Variants in IPP observed in about 807,000 individuals in gnomAD.
The protein encoded by IPP is actin-binding protein IPP.
Under a neutral mutation model 64.1 loss-of-function variants are expected in IPP, and 41 were observed. That is an observed-to-expected ratio of 0.64 (90% CI 0.50 to 0.83). The LOEUF (loss-of-function observed/expected upper bound fraction) is 0.83, where lower values mean the gene tolerates loss of function less well. Ranked by LOEUF, IPP falls within the 40% of genes least tolerant of loss-of-function variation. The probability of loss-of-function intolerance (pLI) is 0.00; values close to 1 mark genes in which losing one functional copy is unlikely to be tolerated. For synonymous variants in IPP, 214 were observed against 235.2 expected, an observed-to-expected ratio of 0.91 and a Z score of 0.83; for missense variants, 649 against 703.0, an observed-to-expected ratio of 0.92 and a Z score of 0.87.
intron 3 of IPP, among the ~76,000 whole-genome samples, chr1:45,734,491 G>A (rs1645951383): frequency 6.6e-6 from 1 of 151,852 alleles, no homozygotes; most frequent in South Asian, 2.1e-4. Context: ...AGGCTGGAGT[G>A]CACTGGCACA....
chr1:45,728,126 C>CTGTGTG (rs371114917), intron 4 of IPP, among the ~76,000 whole-genome samples: 3,824 of 132,214 alleles, frequency 0.029, 84 homozygotes, highest in South Asian at 0.063. Flanking sequence ...GAGTTGAAAG[C>CTGTGTG]TGTGTGTGTG....
At chr1:45,744,223 C>T (rs1646105276) in intron 2 of IPP, among the ~76,000 whole-genome samples, 2 of 152,170 alleles carry the variant, frequency 1.3e-5, no homozygotes, top group African/African-American at 4.8e-5. Flanking sequence ...ATGATCATCA[C>T]TCACTGAAGC....
chr1:45,726,724 C>CTTTT (rs58547972), intron 5 of IPP, among the ~76,000 whole-genome samples: 1 of 135,360 alleles, frequency 7.4e-6, no homozygotes, highest in Admixed American at 7.5e-5. Context: ...TTTGATGCCA[C>CTTTT]TTTTTTTTTT....
At chr1:45,736,769 G>A (rs1480476028) in intron 3 of IPP, among the ~76,000 whole-genome samples, 1 of 151,956 alleles carries the variant, frequency 6.6e-6, no homozygotes, top group East Asian at 1.9e-4. Context: ...GGCGGGCGCG[G>A]TGGCTCATGA....
intron 3 of IPP, among the ~76,000 whole-genome samples, chr1:45,737,300 T>C (rs929522596): frequency 6.6e-5 from 10 of 152,102 alleles, no homozygotes; most frequent in Non-Finnish European, 1.3e-4. Context: ...AGGAATAAGA[T>C]GTATTCCTTA....
chr1:45,707,142 G>A (rs760209139), intron 8 of IPP, among the ~76,000 whole-genome samples: 1 of 152,132 alleles, frequency 6.6e-6, no homozygotes, highest in Non-Finnish European at 1.5e-5. Context: ...AAAGACTTTA[G>A]GCTGGGCACA....
chr1:45,720,874 A>G (rs1645722298), intron 5 of IPP, among the ~76,000 whole-genome samples: 1 of 152,230 alleles, frequency 6.6e-6, no homozygotes, highest in Non-Finnish European at 1.5e-5. Context: ...GAATGGAAAA[A>G]CTATAAAACT....
chr1:45,722,917 T>C (rs1569995490), intron 5 of IPP, among the ~76,000 whole-genome samples: 3 of 152,322 alleles, frequency 2.0e-5, no homozygotes, highest in East Asian at 3.9e-4. Context: ...ATGTCCAGAA[T>C]AGGCAAGCCA....
At chr1:45,720,749 G>A (rs1645720854) in intron 5 of IPP, among the ~76,000 whole-genome samples, 1 of 152,140 alleles carries the variant, frequency 6.6e-6, no homozygotes. Context: ...CAGAGCAGTA[G>A]GGAAACAACA....
intron 1 of IPP, among the ~76,000 whole-genome samples, chr1:45,749,920 G>A (rs1376889894): frequency 2.6e-5 from 4 of 152,206 alleles, no homozygotes; most frequent in Admixed American, 2.6e-4. Flanking sequence ...GGCTGTGATG[G>A]GGCAAGCCTG....
rs777298556 is a variant in IPP, at chr1:45,741,120, C to T, written c.505G>A (p.Val169Ile). Residue 169 changes from valine (V) to isoleucine (I), a missense_variant, in exon 3 of 9, where the codon GTT becomes ATT. By Grantham distance (29) the Val-to-Ile change is conservative. Transcript: ENST00000396478. ...ENYIHVHFLE[V>I]HSGEEFLALT... ...GCCAGGAACTCTTCTCCACTATGAA[C>T]CTCCAAGAAATGGACATGAATGTAG... is the stretch of plus-strand genomic sequence containing the variant. The T allele has an allele frequency of 1.2e-6, 2 of 1,614,126 alleles. No homozygotes were observed. The highest frequency in any genetic ancestry group is 2.2e-5 in the East Asian group (1 of 44,876).
intron 5 of IPP, among the ~76,000 whole-genome samples, chr1:45,722,033 C>T (rs910339756): frequency 3.9e-5 from 6 of 152,050 alleles, no homozygotes; most frequent in African/African-American, 1.4e-4. Flanking sequence ...CACGCCACTG[C>T]ACTACAGCCT....
intron 8 of IPP, among the ~76,000 whole-genome samples, chr1:45,703,338 C>G (rs80091784): frequency 1.3e-3 from 1 of 788 alleles, no homozygotes; most frequent in Non-Finnish European, 3.1e-3. Context: ...ATCTACCCAC[C>G]TTGGCCTCCC....
intron 3 of IPP, among the ~76,000 whole-genome samples, chr1:45,733,980 CA>C (rs1231181348): frequency 6.6e-6 from 1 of 151,478 alleles, no homozygotes; most frequent in African/African-American, 2.4e-5. Context: ...TCCAGCCAAC[CA>C]AAACAATGCA....
intron 7 of IPP, among the ~76,000 whole-genome samples, chr1:45,714,817 T>G (rs991606164): frequency 6.6e-6 from 1 of 152,014 alleles, no homozygotes. Context: ...AAAAATGTCA[T>G]GCACTTAAGC....
intron 8 of IPP, among the ~76,000 whole-genome samples, chr1:45,707,871 G>T (rs1459949334): frequency 2.6e-5 from 4 of 151,882 alleles, no homozygotes; most frequent in African/African-American, 9.7e-5. Flanking sequence ...TTCCAAAAAG[G>T]TTAAACAAAA....
chr1:45,747,989 G>GA (rs36099192), intron 1 of IPP, among the ~76,000 whole-genome samples: 28 of 142,462 alleles, frequency 2.0e-4, no homozygotes, highest in East Asian at 1.9e-4. Flanking sequence ...GCTGATGTTA[G>GA]AAAAAAAATG....
At chr1:45,741,477 T>C (rs1458291837) in intron 2 of IPP, 145 bp from the exon 3 acceptor site, 5 of 597,498 alleles carry the variant, frequency 8.4e-6, no homozygotes, top group Non-Finnish European at 1.4e-5. Context: ...AGGATTTGAG[T>C]AAAGAGCACA....
intron 1 of IPP, among the ~76,000 whole-genome samples, chr1:45,747,213 A>T (rs1646150377): frequency 6.6e-6 from 1 of 151,950 alleles, no homozygotes; most frequent in Non-Finnish European, 1.5e-5. Flanking sequence ...AACATATGTT[A>T]GGTTTCCAAT....
Sources: allele counts gnomAD v4.1 joint callset (sites outside exome capture counted in the v4.1 genomes callset), GRCh38; gene constraint gnomAD v4.1.1; transcripts MANE v1.5; gene names NCBI Gene and HGNC (gene_info 2026-07-23, HGNC 2026-07-21).